Variants in DAPK3 observed in about 807,000 individuals in gnomAD.
The protein encoded by DAPK3 is death associated protein kinase 3.
A neutral mutation model predicts 30.6 loss-of-function variants in DAPK3; 24 were observed. The observed-to-expected ratio is 0.78, with a 90% confidence interval of 0.57 to 1.10. The LOEUF (loss-of-function observed/expected upper bound fraction) is 1.10, where lower values mean the gene tolerates loss of function less well. DAPK3 is among the 50% of genes least tolerant of loss of function. The pLI is 0.00. For missense variants in DAPK3, 629 were observed against 657.3 expected (o/e 0.96, Z 0.47); for synonymous variants, 341 against 284.0 (o/e 1.20, Z -2.02).
At chr19:3,960,867 T>A in intron 7 of DAPK3, 142 bp downstream of exon 7, 1 of 663,304 alleles carries the variant, frequency 1.5e-6, no homozygotes, top group Non-Finnish European at 2.4e-6. Context: ...ATCAGTTTAC[T>A]CTCTCCAGCC....
intron 2 of DAPK3, among the ~76,000 whole-genome samples, chr19:3,966,657 C>T (rs2039580379): frequency 2.0e-5 from 3 of 152,170 alleles, no homozygotes; most frequent in Non-Finnish European, 2.9e-5. Flanking sequence ...TGGACTTCGG[C>T]CCCGGGGACA....
At position 3,963,906 on chromosome 19, in the gene DAPK3, C is replaced by T; in HGVS notation, c.567G>A (p.Val189=). The T allele has an allele frequency of 6.2e-7, 1 of 1,603,898 alleles. No individual in the cohort carries two copies. Among genetic ancestry groups the T allele is most frequent in the Non-Finnish European group, 8.5e-7 (1 of 1,171,970 alleles). ...CCTCCAGGCCCAGCGGCTCATAGTT[C>T]ACAATCTCTGGGGCTGCAGAACAGG... ...GTPEFVAPEI[V]NYEPLGLEAD... is the part of the protein sequence containing the mutation. The change falls in exon 5 of 9, where the codon GTG becomes GTA. Residue 189 remains valine (V), a synonymous_variant. Transcript: ENST00000545797.
intron 2 of DAPK3, among the ~76,000 whole-genome samples, chr19:3,967,966 A>C (rs983271873): frequency 6.6e-6 from 1 of 152,178 alleles, no homozygotes; most frequent in African/African-American, 2.4e-5. Context: ...GCAAAAACAG[A>C]AGGCTAAATA....
chr19:3,959,463 C>G lies in DAPK3; in HGVS notation c.1003G>C (p.Ala335Pro). 6.5e-7 allele frequency: 1 copy of G among 1,545,520 alleles called. No homozygotes were observed. Residue 335 changes from alanine (A) to proline (P), a missense_variant, in exon 9 of 9, where the codon GCC (alanine) becomes CCC (proline). Transcript: ENST00000545797. ...FSKVLEEAAA[A>P]EEGLRELQRS... ...TGCAGCTCGCGCAGGCCCTCCTCGG[C>G]GGCCGCCGCCTCCTCCAGCACCTTG...
At position 3,959,531 on chromosome 19, in the gene DAPK3, C is replaced by G. The variant is rs2039480227; in HGVS notation, c.935G>C (p.Ser312Thr). The G allele has an allele frequency of 1.9e-6, 3 of 1,574,696 alleles. No homozygotes were observed. Among genetic ancestry groups the G allele is most frequent in the Non-Finnish European group, 2.6e-6 (3 of 1,168,792 alleles). Reference sequence around the variant, plus strand: ...GGCGTAGCTGTTGTTGGGCGGCAAGCTGGAGTGCGACTTGATGGTGTACTC... The same window carrying G: ...GGCGTAGCTGTTGTTGGGCGGCAAGGTGGAGTGCGACTTGATGGTGTACTC... The part of the protein sequence containing the change: ...LKEYTIKSHS[S>T]LPPNNSYADF... The change falls in exon 9 of 9, where the codon AGC (serine) becomes ACC (threonine). Residue 312 changes from serine to threonine, a missense_variant. Physicochemically the swap from Ser to Thr is moderately conservative, Grantham distance 58. Around this residue, in one of 2 missense-constraint regions of DAPK3, gnomAD observed 323 missense variants for 278.8 expected, o/e 1.16. Transcript: ENST00000545797.
chr19:3,965,795 G>A (rs992760351), intron 2 of DAPK3, among the ~76,000 whole-genome samples: 1 of 151,988 alleles, frequency 6.6e-6, no homozygotes, highest in African/African-American at 2.4e-5. Context: ...CTCTCAAGCA[G>A]CTGGGACTAC....
At chr19:3,960,025 G>A in intron 8 of DAPK3, 34 bp downstream of exon 8, 1 of 1,257,882 alleles carries the variant, frequency 7.9e-7, no homozygotes, top group Non-Finnish European at 1.2e-6. Flanking sequence ...GCCAAGGCGG[G>A]AAGCCCAGGG....
Position 3,961,068 on chromosome 19 carries a change from G to A in DAPK3, c.723C>T (p.Phe241=), listed in dbSNP as rs965192396. 2 of 1,613,788 alleles carry A rather than the reference G, an allele frequency of 1.2e-6. No individual in the cohort carries two copies. Among genetic ancestry groups the A allele is most frequent in the Non-Finnish European group, 1.7e-6 (2 of 1,179,988 alleles). ...CCTTGGCCAGCTCGCTGGTGTTGCT[G>A]AAGTACTCCTCGTCGAAGTCGTAGT... ...AVNYDFDEEY[F]SNTSELAKDF... Residue 241 remains phenylalanine, a synonymous_variant, in exon 7 of 9, where the codon TTC becomes TTT. Coordinates refer to ENST00000545797, the MANE Select transcript of DAPK3 (RefSeq NM_001348.3).
intron 2 of DAPK3, among the ~76,000 whole-genome samples, chr19:3,968,200 G>A (rs1413128869): frequency 6.6e-6 from 1 of 152,182 alleles, no homozygotes; most frequent in African/African-American, 2.4e-5. Context: ...CCATTTAAGA[G>A]GCTGCTGTTC....
chr19:3,964,403 G>C (rs758083312), intron 3 of DAPK3, 30 bp from the exon 4 acceptor site: 2 of 1,598,394 alleles, frequency 1.3e-6, no homozygotes, highest in Non-Finnish European at 1.7e-6. Context: ...AGCAGGGAAA[G>C]CACGGGCCTC....
rs559831327 is a variant in DAPK3 at position 3,960,181 on chromosome 19, C to A, written c.783-77G>T. 7.5e-6 allele frequency: 6 copies of A among 795,332 alleles called. No individual in the cohort carries two copies. The East Asian group carries it at 7.9e-5, about 10-fold the overall frequency. The allele number at this position is 795,332 out of a possible 1,614,324, so 49.3% of individuals were successfully genotyped here. A position where few individuals can be genotyped will look rare whatever the true frequency, so the allele number is the denominator to read the frequency against. ...CCCGTGAACAACTGACTCCCGGGAC[C>A]CCCAAAAGCCCTAAAGTCGCCCCCC... On this transcript the variant is annotated intron_variant, in intron 7 of 8. Transcript: ENST00000545797.
At position 3,960,993 on chromosome 19, in the gene DAPK3, T is replaced by C; in HGVS notation, c.782+16A>G. On this transcript the variant is annotated intron_variant, in intron 7 of 8. Coordinates refer to ENST00000545797, the MANE Select transcript of DAPK3 (RefSeq NM_001348.3). ...GTCCCATGTCCCACCCCGTGCCCCC[T>C]GCCGGCCCCTCGTACTTGGGATCTT... is the stretch of plus-strand genomic sequence containing the variant. The C allele has an allele frequency of 3.1e-6, 5 of 1,612,230 alleles. No homozygotes were observed. The highest frequency in any genetic ancestry group is 4.2e-6 in the Non-Finnish European group (5 of 1,179,210).
chr19:3,960,962 G>A, intron 7 of DAPK3, 47 bp downstream of exon 7: 1 of 1,600,492 alleles, frequency 6.2e-7, no homozygotes, highest in South Asian at 1.1e-5. Context: ...GGTGGAGTGG[G>A]CCTGTGTCCC....
intron 2 of DAPK3, among the ~76,000 whole-genome samples, chr19:3,965,752 C>T (rs2039571776): frequency 6.6e-6 from 1 of 152,116 alleles, no homozygotes; most frequent in Non-Finnish European, 1.5e-5. Context: ...GCAGCCTTGA[C>T]CTCCTGGGCT....
At chr19:3,969,136 GA>G (rs1442506121) in intron 2 of DAPK3, among the ~76,000 whole-genome samples, 1 of 151,884 alleles carries the variant, frequency 6.6e-6, no homozygotes, top group African/African-American at 2.4e-5. Context: ...AACACAGGGA[GA>G]TTTTTTTTTT....
At chr19:3,969,909 G>A in intron 1 of DAPK3, 80 bp from the exon 2 acceptor site, 1 of 589,766 alleles carries the variant, frequency 1.7e-6, no homozygotes, top group African/African-American at 1.9e-5. Flanking sequence ...GACCTGTCCA[G>A]CAAACACAAG....
chr19:3,959,079 G>T lies in DAPK3; in HGVS notation c.*22C>A, dbSNP rs368908111. ...GCAGGCCGAGCTCCGGCTGTCCTGG[G>T]GCCTGGCCCACCCCACTGCGCCTAG... is the stretch of plus-strand genomic sequence containing the variant. On this transcript the variant is annotated 3_prime_UTR_variant, in exon 9 of 9. Transcript: ENST00000545797. 1,037 of 1,456,914 alleles carry T rather than the reference G, an allele frequency of 7.1e-4. 8 individuals carry two copies. In the African/African-American group the frequency reaches 0.013, roughly 18 times the overall value. The allele number at this position is 1,456,914 out of a possible 1,614,324, so 90.2% of individuals were successfully genotyped here.
chr19:3,960,235 GA>G (rs1386726619), intron 7 of DAPK3, 131 bp from the exon 8 acceptor site: 1 of 649,426 alleles, frequency 1.5e-6, no homozygotes, highest in African/African-American at 1.9e-5. Flanking sequence ...CACAGAAGCT[GA>G]ACAAGGGTAC....
At chr19:3,963,573 G>A (rs1030166960) in intron 6 of DAPK3, 70 bp downstream of exon 6, 2 of 1,005,074 alleles carry the variant, frequency 2.0e-6, no homozygotes, top group Non-Finnish European at 2.9e-6. Context: ...GCGTCCACAT[G>A]AGACACACGG....
Sources: gnomAD v4.1 joint callset for allele counts (sites outside exome capture counted in the v4.1 genomes callset) on GRCh38, gnomAD v4.1.1 for gene constraint, gnomAD v4.1.1 regional missense constraint, MANE v1.5 for transcripts, NCBI Gene and HGNC (gene_info 2026-07-23, HGNC 2026-07-21) for gene names.